CNTN4: variants seen among roughly 807,000 people sequenced by gnomAD.
CNTN4 encodes the protein contactin-4.
In CNTN4, 77 loss-of-function variants were observed where a neutral mutation model predicts 122.5. The ratio of observed to expected loss-of-function variants is 0.63; its 90% CI spans 0.52 to 0.76. CNTN4 has a LOEUF of 0.76. Ranked by LOEUF, CNTN4 falls within the 30% of genes least tolerant of loss-of-function variation. The probability of loss-of-function intolerance (pLI) is 0.00; values close to 1 mark genes in which losing one functional copy is unlikely to be tolerated. For missense variants in CNTN4, 1,256 were observed against 1,259.1 expected (o/e 1.00, Z 0.04); for synonymous variants, 512 against 447.0 (o/e 1.15, Z -1.83).
chr3:2,770,373 T>G (rs1299525920), intron 6 of CNTN4, among the ~76,000 whole-genome samples: 1 of 152,188 alleles, frequency 6.6e-6, no homozygotes. Context: ...ATGTTAGAGA[T>G]TTAAAACCAT....
chr3:2,295,604 A>C (rs529425617), intron 2 of CNTN4, among the ~76,000 whole-genome samples: 3 of 152,206 alleles, frequency 2.0e-5, no homozygotes, highest in East Asian at 3.9e-4. Flanking sequence ...GTAGGTTGCG[A>C]AAATTTTCTC....
At chr3:2,847,669 A>G (rs1382543778) in intron 7 of CNTN4, among the ~76,000 whole-genome samples, 1 of 152,134 alleles carries the variant, frequency 6.6e-6, no homozygotes, top group Non-Finnish European at 1.5e-5. Flanking sequence ...GTGCTGACAC[A>G]TGACTGCCTA....
intron 3 of CNTN4, among the ~76,000 whole-genome samples, chr3:2,397,064 C>G (rs1278387178): frequency 2.0e-5 from 3 of 152,066 alleles, no homozygotes; most frequent in Non-Finnish European, 4.4e-5. Flanking sequence ...TTCATAGATG[C>G]TAAAGCAAAT....
chr3:2,267,990 A>G (rs2041123108), intron 2 of CNTN4, among the ~76,000 whole-genome samples: 2 of 152,148 alleles, frequency 1.3e-5, no homozygotes, highest in Non-Finnish European at 2.9e-5. Flanking sequence ...TGGCAGCAGT[A>G]GACAGAAGGT....
chr3:2,573,479 C>T (rs2079519989), intron 4 of CNTN4, among the ~76,000 whole-genome samples: 1 of 152,148 alleles, frequency 6.6e-6, no homozygotes, highest in South Asian at 2.1e-4. Context: ...TCGACTGACA[C>T]TTTAGAGTTT....
chr3:3,053,696 C>T (rs761469363), intron 23 of CNTN4, 111 bp from the exon 24 acceptor site: 6 of 1,080,446 alleles, frequency 5.6e-6, no homozygotes, highest in Non-Finnish European at 8.6e-6. Context: ...AGCCAGACAA[C>T]CTCTACATCC....
chr3:2,410,404 A>AGACAAT (rs2047187078), intron 3 of CNTN4, among the ~76,000 whole-genome samples: 4 of 152,238 alleles, frequency 2.6e-5, no homozygotes, highest in Admixed American at 2.6e-4. Context: ...TCAATAATAA[A>AGACAAT]GACAATGGCT....
intron 3 of CNTN4, among the ~76,000 whole-genome samples, chr3:2,423,665 G>T (rs1575598259): frequency 6.6e-6 from 1 of 152,106 alleles, no homozygotes; most frequent in East Asian, 1.9e-4. Flanking sequence ...AAGTTTTGAT[G>T]ACTTGGATAA....
chr3:2,861,279 T>C (rs1169709862), intron 7 of CNTN4, among the ~76,000 whole-genome samples: 2 of 152,132 alleles, frequency 1.3e-5, no homozygotes, highest in Non-Finnish European at 2.9e-5. Context: ...TTCCCTTTGC[T>C]CAGCACACTG....
intron 4 of CNTN4, among the ~76,000 whole-genome samples, chr3:2,724,846 C>T (rs2088107602): frequency 6.6e-6 from 1 of 152,002 alleles, no homozygotes; most frequent in Non-Finnish European, 1.5e-5. Flanking sequence ...GTAGAAAGGG[C>T]AACCTCTCCA....
At chr3:2,168,376 A>G (rs578212645) in intron 2 of CNTN4, among the ~76,000 whole-genome samples, 2 of 152,296 alleles carry the variant, frequency 1.3e-5, no homozygotes, top group African/African-American at 4.8e-5. Flanking sequence ...GTTTAAGTGG[A>G]AATCAATTAT....
At chr3:2,716,256 A>G (rs2087489043) in intron 4 of CNTN4, among the ~76,000 whole-genome samples, 2 of 152,068 alleles carry the variant, frequency 1.3e-5, no homozygotes, top group African/African-American at 2.4e-5. Context: ...AACTTCTATT[A>G]ACATTTCTTA....
chr3:3,050,289 C>CAA (rs199869558), intron 23 of CNTN4, among the ~76,000 whole-genome samples: 1 of 151,292 alleles, frequency 6.6e-6, no homozygotes, highest in African/African-American at 2.4e-5. Context: ...ATGTCTAACT[C>CAA]AAAAAAAATA....
chr3:2,540,286 A>C (rs974581114), intron 3 of CNTN4, among the ~76,000 whole-genome samples: 3 of 151,990 alleles, frequency 2.0e-5, no homozygotes, highest in African/African-American at 7.2e-5. Context: ...CAGGCACCCA[A>C]GGTTTGGTTA....
At chr3:2,391,699 G>A (rs1271105067) in intron 3 of CNTN4, among the ~76,000 whole-genome samples, 2 of 152,188 alleles carry the variant, frequency 1.3e-5, no homozygotes, top group Non-Finnish European at 2.9e-5. Flanking sequence ...GACTACAAAA[G>A]CTTTGCATTG....
intron 2 of CNTN4, among the ~76,000 whole-genome samples, chr3:2,176,867 C>G (rs959902676): frequency 1.3e-5 from 2 of 152,068 alleles, no homozygotes; most frequent in African/African-American, 4.8e-5. Context: ...AATTGGAACC[C>G]TTTCTGAATT....
chr3:2,368,176 G>GT (rs567929204), intron 3 of CNTN4, among the ~76,000 whole-genome samples: 1 of 149,474 alleles, frequency 6.7e-6, no homozygotes, highest in African/African-American at 2.5e-5. Flanking sequence ...GGGACTACAG[G>GT]GCCCGCCACC....
At chr3:2,792,629 A>G (rs1311640123) in intron 6 of CNTN4, among the ~76,000 whole-genome samples, 1 of 152,232 alleles carries the variant, frequency 6.6e-6, no homozygotes, top group East Asian at 1.9e-4. Flanking sequence ...TCCTTCAGAA[A>G]GAATCAGCTA....
At chr3:2,306,450 A>G (rs2042707147) in intron 2 of CNTN4, among the ~76,000 whole-genome samples, 1 of 152,128 alleles carries the variant, frequency 6.6e-6, no homozygotes, top group Non-Finnish European at 1.5e-5. Flanking sequence ...TCATCTTTGG[A>G]TAAATGTCTG....
Sources: allele counts gnomAD v4.1 joint callset (sites outside exome capture counted in the v4.1 genomes callset), GRCh38; gene constraint gnomAD v4.1.1; transcripts MANE v1.5; gene names NCBI Gene and HGNC (gene_info 2026-07-23, HGNC 2026-07-21).